Variants in PTK7 observed in about 807,000 individuals in gnomAD.
The protein encoded by PTK7 is protein tyrosine kinase 7 (inactive), also known as inactive tyrosine-protein kinase 7.
In PTK7, 39 loss-of-function variants were observed where a neutral mutation model predicts 116.6. That is an observed-to-expected ratio of 0.33 (90% CI 0.26 to 0.44). PTK7 has a LOEUF of 0.44. PTK7 is among the 20% of genes least tolerant of loss of function. The probability of loss-of-function intolerance (pLI) is 1.00; values close to 1 mark genes in which losing one functional copy is unlikely to be tolerated. For missense variants in PTK7, 1,169 were observed against 1,425.6 expected (o/e 0.82, Z 2.90); for synonymous variants, 546 against 563.6 (o/e 0.97, Z 0.44).
intron 15 of PTK7, chr6:43,144,819 A>G (rs1193473969): frequency 1.7e-5 from 8 of 465,716 alleles, no homozygotes; most frequent in Non-Finnish European, 2.6e-5. Context: ...TACCTGTAGT[A>G]TTATTTACTT....
Position 43,129,015 on chromosome 6 carries a change from T to A in PTK7, c.118T>A (p.Ser40Thr). ...CATTGTCTTCATCAAGCAGCCGTCC[T>A]CCCAGGATGCACTGCAGGGGCGCCG... ...TAIVFIKQPS[S>T]QDALQGRRAL... The change falls in exon 2 of 20, where the codon TCC becomes ACC. Residue 40 changes from serine (S) to threonine (T), a missense_variant. This residue lies in a region of PTK7 where 487 missense variants were observed against 549.8 expected (regional missense o/e 0.89). Coordinates refer to ENST00000230419, the MANE Select transcript of PTK7 (RefSeq NM_002821.5). This position sits in a 1 kb window ranked among gnomAD's most constrained non-coding sequence, Gnocchi z 4.5. 6.2e-7 allele frequency: 1 copy of A among 1,613,564 alleles called. No homozygotes were observed. The highest frequency in any genetic ancestry group is 8.5e-7 in the Non-Finnish European group (1 of 1,179,668).
chr6:43,095,197 T>TAAA (rs34914497), intron 1 of PTK7, among the ~76,000 whole-genome samples: 4 of 89,004 alleles, frequency 4.5e-5, no homozygotes, highest in East Asian at 3.4e-4. Context: ...CAGTCTCTAC[T>TAAA]AAAAAAAAAA....
intron 19 of PTK7, among the ~76,000 whole-genome samples, chr6:43,160,397 C>T (rs965419607): frequency 2.6e-5 from 4 of 152,172 alleles, no homozygotes; most frequent in African/African-American, 7.2e-5. Context: ...GGATTGCAGG[C>T]GTGAGCCACC....
rs1377401272 is a variant in PTK7, at chr6:43,158,798, G to A, written c.2722-19G>A. On this transcript the variant is annotated intron_variant, in intron 17 of 19. Coordinates refer to ENST00000230419, the MANE Select transcript of PTK7 (RefSeq NM_002821.5). Reference sequence around the variant, plus strand: ...TGCCTATTCCTGGGCTGCTCTAACAGGCCCCTTTATCTCTCCAGGTGGCCC... The same window carrying A: ...TGCCTATTCCTGGGCTGCTCTAACAAGCCCCTTTATCTCTCCAGGTGGCCC... The A allele has an allele frequency of 1.2e-6, 2 of 1,612,072 alleles. No homozygotes were observed. Among genetic ancestry groups the A allele is most frequent in the East Asian group, 4.5e-5 (2 of 44,834 alleles).
intron 1 of PTK7, among the ~76,000 whole-genome samples, chr6:43,101,990 G>A (rs564235932): frequency 6.6e-6 from 1 of 152,196 alleles, no homozygotes; most frequent in South Asian, 2.1e-4. Context: ...GAGGTCAGGA[G>A]TTTGAGACCA....
intron 1 of PTK7, among the ~76,000 whole-genome samples, chr6:43,118,033 G>A (rs1768663079): frequency 5.3e-5 from 8 of 151,302 alleles, no homozygotes. Flanking sequence ...GTGTGTCTGT[G>A]CACAGGATCT....
Position 43,142,048 on chromosome 6 carries a change from A to G in PTK7, c.1886A>G (p.Asp629Gly). The change falls in exon 12 of 20, where the codon GAC becomes GGC. Residue 629 changes from aspartate (D) to glycine (G), a missense_variant. Physicochemically the swap from Asp to Gly is moderately conservative, Grantham distance 94. Around this residue, in one of 3 missense-constraint regions of PTK7, gnomAD observed 678 missense variants for 853.8 expected, o/e 0.79. Transcript: ENST00000230419. Reference sequence around the variant, plus strand: ...CCGCTGATTCAGTGGAAAGGCAAGGACCGCATCCTGGACCCCACCAAGCTG... The same window carrying G: ...CCGCTGATTCAGTGGAAAGGCAAGGGCCGCATCCTGGACCCCACCAAGCTG... ...PKPLIQWKGK[D>G]RILDPTKLGP... The G allele has an allele frequency of 6.2e-7, 1 of 1,613,866 alleles. No homozygotes were observed.
chr6:43,145,577 C>G lies in PTK7; in HGVS notation c.2640+145C>G, dbSNP rs1306598094. ...CACCTGCCTGCTGTTACACTTTGCC[C>G]ACCTTATGATGCTCAGCTTCTGCCT... On this transcript the variant is annotated intron_variant, in intron 16 of 19. Coordinates refer to ENST00000230419, the MANE Select transcript of PTK7 (RefSeq NM_002821.5). This position sits in a 1 kb window ranked among gnomAD's most constrained non-coding sequence, Gnocchi z 4.8. The G allele has an allele frequency of 1.8e-6, 1 of 544,556 alleles. No homozygotes were observed. The highest frequency in any genetic ancestry group is 3.0e-6 in the Non-Finnish European group (1 of 331,056). 33.7% of individuals were successfully genotyped at this position (544,556 alleles called of 1,614,324 possible).
intron 1 of PTK7, among the ~76,000 whole-genome samples, chr6:43,106,603 C>T (rs1405463884): frequency 6.6e-6 from 1 of 151,036 alleles, no homozygotes; most frequent in Non-Finnish European, 1.5e-5. Context: ...CCGCCCCTTT[C>T]CTTCGTAAAA....
intron 1 of PTK7, among the ~76,000 whole-genome samples, chr6:43,100,747 T>C (rs140617688): frequency 0.015 from 2,214 of 152,314 alleles, 53 homozygotes; most frequent in African/African-American, 0.049. Flanking sequence ...TGTATGTGTT[T>C]GTGTGGTTAC....
rs532649845 is a variant in PTK7 at position 43,148,111 on chromosome 6, C to T, written c.2721+1413C>T. ...CTACAAAAAATAAAAAAAAGTTAAC[C>T]GGGCGTGGGGGCATGCCTGTAGTCC... On this transcript the variant is annotated intron_variant, in intron 17 of 19. Coordinates refer to ENST00000230419, the MANE Select transcript of PTK7 (RefSeq NM_002821.5). Among the ~76,000 whole-genome samples the T allele has an allele frequency of 8.5e-5, 13 of 152,066 alleles. No homozygotes were observed. The South Asian group carries it at 2.1e-3, about 24-fold the overall frequency.
In PTK7 at chr6:43,160,706, C is replaced by T. The variant is rs777709270; in HGVS notation, c.3053-15C>T. 48 of 1,613,468 alleles carry T rather than the reference C, an allele frequency of 3.0e-5. No individual in the cohort carries two copies. Among genetic ancestry groups the T allele is most frequent in the African/African-American group, 5.3e-5 (4 of 74,940 alleles). On this transcript the variant is annotated splice_polypyrimidine_tract_variant and intron_variant, in intron 19 of 19. Coordinates refer to ENST00000230419, the MANE Select transcript of PTK7 (RefSeq NM_002821.5). Reference sequence around the variant, plus strand: ...AATGTTTTGGCCAACACTGCACCTGCTGTCTTCCCTACAGATTTGCAGGCT... The same window carrying T: ...AATGTTTTGGCCAACACTGCACCTGTTGTCTTCCCTACAGATTTGCAGGCT...
chr6:43,114,996 C>T (rs1198491256), intron 1 of PTK7, among the ~76,000 whole-genome samples: 4 of 151,158 alleles, frequency 2.6e-5, no homozygotes, highest in Admixed American at 2.0e-4. Flanking sequence ...GAGCCGAGAT[C>T]TTGCCATTGC....
intron 1 of PTK7, among the ~76,000 whole-genome samples, chr6:43,080,752 G>A (rs926404742): frequency 5.3e-5 from 8 of 152,198 alleles, no homozygotes; most frequent in African/African-American, 1.9e-4. Context: ...GACCAGCCTG[G>A]ACAACATGGT....
At chr6:43,122,716 C>T (rs568993437) in intron 1 of PTK7, among the ~76,000 whole-genome samples, 64 of 151,672 alleles carry the variant, frequency 4.2e-4, no homozygotes, top group Non-Finnish European at 8.1e-4. Context: ...AAGCGATTCT[C>T]CTGTCTCGGC....
intron 1 of PTK7, among the ~76,000 whole-genome samples, chr6:43,120,871 T>C (rs1768914208): frequency 6.6e-6 from 1 of 151,982 alleles, no homozygotes; most frequent in Non-Finnish European, 1.5e-5. Context: ...TCACACCACC[T>C]CACTCCAGCT....
chr6:43,123,500 A>T (rs1046400253), intron 1 of PTK7, among the ~76,000 whole-genome samples: 35 of 151,852 alleles, frequency 2.3e-4, no homozygotes, highest in African/African-American at 8.2e-4. Flanking sequence ...AATTGTGTTT[A>T]CACATATGTG....
chr6:43,159,354 A>G (rs1332592180), intron 18 of PTK7, among the ~76,000 whole-genome samples: 1 of 152,184 alleles, frequency 6.6e-6, no homozygotes, highest in Non-Finnish European at 1.5e-5. Context: ...TAGACAGCCT[A>G]CGAGGGCTCT....
intron 1 of PTK7, among the ~76,000 whole-genome samples, chr6:43,126,548 T>C (rs1161775507): frequency 6.6e-6 from 1 of 152,238 alleles, no homozygotes; most frequent in African/African-American, 2.4e-5. Context: ...ACACACTACC[T>C]GGCAGTCGGG....
Sources: gnomAD v4.1 joint callset for allele counts (sites outside exome capture counted in the v4.1 genomes callset) on GRCh38, gnomAD v4.1.1 for gene constraint, gnomAD v4.1.1 regional missense constraint, Gnocchi (gnomAD v3.1) non-coding constraint, MANE v1.5 for transcripts, NCBI Gene and HGNC (gene_info 2026-07-23, HGNC 2026-07-21) for gene names.